ROBO1: variants seen among roughly 807,000 people sequenced by gnomAD.
The protein encoded by ROBO1 is roundabout guidance receptor 1, also known as roundabout homolog 1.
ROBO1 carries 149 observed loss-of-function variants against 195.9 expected under a neutral mutation model. The ratio of observed to expected loss-of-function variants is 0.76; its 90% CI spans 0.67 to 0.87. The LOEUF (loss-of-function observed/expected upper bound fraction) is 0.87, where lower values mean the gene tolerates loss of function less well. Among genes scored for constraint, ROBO1 ranks in the 40% least tolerant of loss-of-function variants. The pLI is 0.00. For synonymous variants in ROBO1, 816 were observed against 733.2 expected (o/e 1.11, Z -1.82); for missense variants, 1,933 against 2,068.3 (o/e 0.93, Z 1.27).
intron 3 of ROBO1, among the ~76,000 whole-genome samples, chr3:78,993,792 C>T (rs1008821938): frequency 2.6e-5 from 4 of 152,090 alleles, no homozygotes; most frequent in African/African-American, 9.7e-5. Flanking sequence ...GAAATCTATT[C>T]TACTTCTGTA....
intron 3 of ROBO1, among the ~76,000 whole-genome samples, chr3:78,945,936 G>T (rs888285645): frequency 1.3e-5 from 2 of 150,124 alleles, no homozygotes; most frequent in African/African-American, 4.9e-5. Context: ...AAGACGAAAT[G>T]AATGAAATGA....
At chr3:79,304,019 C>T (rs909456685) in intron 2 of ROBO1, among the ~76,000 whole-genome samples, 3 of 152,148 alleles carry the variant, frequency 2.0e-5, no homozygotes, top group South Asian at 4.1e-4. Context: ...TTCTTAATAG[C>T]CTGCAGTTTT....
At chr3:78,999,615 T>C (rs898673833) in intron 3 of ROBO1, among the ~76,000 whole-genome samples, 1 of 152,100 alleles carries the variant, frequency 6.6e-6, no homozygotes, top group African/African-American at 2.4e-5. Flanking sequence ...CCTGGCTGAC[T>C]AGATCATTCT....
intron 2 of ROBO1, among the ~76,000 whole-genome samples, chr3:79,422,863 C>A (rs2038287406): frequency 6.6e-6 from 1 of 152,078 alleles, no homozygotes; most frequent in South Asian, 2.1e-4. Flanking sequence ...ACTCACCTCC[C>A]ACTCACACAG....
At chr3:79,168,681 C>T (rs1386609621) in intron 2 of ROBO1, among the ~76,000 whole-genome samples, 1 of 152,116 alleles carries the variant, frequency 6.6e-6, no homozygotes, top group Non-Finnish European at 1.5e-5. Context: ...TTCAACGTTT[C>T]CATTTATTTA....
chr3:78,872,800 G>A (rs2035627569), intron 4 of ROBO1, among the ~76,000 whole-genome samples: 1 of 152,116 alleles, frequency 6.6e-6, no homozygotes, highest in Non-Finnish European at 1.5e-5. Context: ...AATAGCTTGA[G>A]TATAAGAGTT....
At chr3:79,031,982 A>G (rs2078303851) in intron 3 of ROBO1, among the ~76,000 whole-genome samples, 1 of 152,146 alleles carries the variant, frequency 6.6e-6, no homozygotes. Flanking sequence ...AACAATAGTG[A>G]GATGGACACA....
chr3:78,988,270 C>T (rs928175766), intron 3 of ROBO1, among the ~76,000 whole-genome samples: 13 of 152,112 alleles, frequency 8.5e-5, no homozygotes, highest in African/African-American at 2.9e-4. Context: ...GAGCTACGAA[C>T]TAAAAGGCAA....
At chr3:79,031,976 A>G (rs2078303612) in intron 3 of ROBO1, among the ~76,000 whole-genome samples, 1 of 152,142 alleles carries the variant, frequency 6.6e-6, no homozygotes, top group Non-Finnish European at 1.5e-5. Flanking sequence ...CTCTTAAACA[A>G]TAGTGAGATG....
At chr3:79,759,707 T>C (rs952297973) in intron 1 of ROBO1, among the ~76,000 whole-genome samples, 2 of 152,212 alleles carry the variant, frequency 1.3e-5, no homozygotes, top group Non-Finnish European at 2.9e-5. Flanking sequence ...TAATTAATGC[T>C]TTTCACTTTG....
At chr3:78,761,414 A>C (rs2083101922) in intron 4 of ROBO1, among the ~76,000 whole-genome samples, 1 of 152,186 alleles carries the variant, frequency 6.6e-6, no homozygotes, top group African/African-American at 2.4e-5. Flanking sequence ...TTCTCCACAA[A>C]AAACAGTTGC....
chr3:78,799,781 T>G, intron 4 of ROBO1, among the ~76,000 whole-genome samples: 1 of 152,212 alleles, frequency 6.6e-6, no homozygotes. Context: ...AAGATTTTCT[T>G]GTGCTACTTC....
At chr3:79,686,996 C>T (rs1223000121) in intron 1 of ROBO1, among the ~76,000 whole-genome samples, 1 of 152,116 alleles carries the variant, frequency 6.6e-6, no homozygotes, top group African/African-American at 2.4e-5. Flanking sequence ...ACCAAAACAG[C>T]ATGTACTGGT....
intron 1 of ROBO1, among the ~76,000 whole-genome samples, chr3:79,638,990 T>C (rs999743307): frequency 6.6e-6 from 1 of 152,140 alleles, no homozygotes; most frequent in African/African-American, 2.4e-5. Flanking sequence ...TAAAAACTGG[T>C]AATGTAAAAT....
chr3:79,557,743 A>ATATAT lies in ROBO1; in HGVS notation c.88+32080_88+32081insATATA, dbSNP rs1553764429. On this transcript the variant is annotated intron_variant, in intron 2 of 30. Coordinates refer to ENST00000464233, the MANE Select transcript of ROBO1 (RefSeq NM_002941.4). ...GCGAGACTGTCTTAAAACAAAAAAA[A>ATATAT]ATATATATATATATATATATATTTT... is the stretch of plus-strand genomic sequence containing the variant. Among the ~76,000 whole-genome samples the ATATAT allele has an allele frequency of 9.2e-4, 120 of 130,806 alleles. 2 individuals carry two copies. Among genetic ancestry groups the ATATAT allele is most frequent in the African/African-American group, 3.2e-3 (103 of 32,664 alleles). The allele number at this position is 130,806 out of a possible 152,430, so 85.8% of individuals were successfully genotyped here. A position where few individuals can be genotyped will look rare whatever the true frequency, so the allele number is the denominator to read the frequency against.
At chr3:79,377,711 A>G (rs2036432764) in intron 2 of ROBO1, among the ~76,000 whole-genome samples, 1 of 152,166 alleles carries the variant, frequency 6.6e-6, no homozygotes, top group African/African-American at 2.4e-5. Flanking sequence ...GTCATTAGGG[A>G]CAGCCAAGAA....
chr3:78,931,718 C>T (rs2039544320), intron 4 of ROBO1, among the ~76,000 whole-genome samples: 1 of 152,098 alleles, frequency 6.6e-6, no homozygotes, highest in African/African-American at 2.4e-5. Context: ...ATAATCACAG[C>T]ACTTCGGGAG....
chr3:78,726,701 C>G (rs1367253655), intron 5 of ROBO1, among the ~76,000 whole-genome samples: 2 of 152,114 alleles, frequency 1.3e-5, no homozygotes, highest in Non-Finnish European at 2.9e-5. Flanking sequence ...ATGTGCCTGG[C>G]GTGGCTTCTT....
Position 79,619,618 on chromosome 3 carries a change from G to T in ROBO1, c.-50-29657C>A, listed in dbSNP as rs190727454. Among the ~76,000 whole-genome samples the T allele has an allele frequency of 2.0e-4, 31 of 152,196 alleles. No individual in the cohort carries two copies. The East Asian group carries it at 5.8e-3, about 29-fold the overall frequency. ...CTGCCCAACAACTTCCTCTTAGAGA[G>T]GTGGCTAGAGCTGAAGGCATAGTCA... On this transcript the variant is annotated intron_variant, in intron 1 of 30. Coordinates refer to ENST00000464233, the MANE Select transcript of ROBO1 (RefSeq NM_002941.4).
Sources: gnomAD v4.1 joint callset for allele counts (sites outside exome capture counted in the v4.1 genomes callset) on GRCh38, gnomAD v4.1.1 for gene constraint, MANE v1.5 for transcripts, NCBI Gene and HGNC (gene_info 2026-07-23, HGNC 2026-07-21) for gene names.